Variants in TOM1 observed in about 807,000 individuals in gnomAD.
TOM1 encodes the protein target of myb1 membrane trafficking protein.
TOM1 carries 38 observed loss-of-function variants against 61.3 expected under a neutral mutation model. That is an observed-to-expected ratio of 0.62 (90% CI 0.48 to 0.81). TOM1 has a LOEUF of 0.81. Ranked by LOEUF, TOM1 falls within the 40% of genes least tolerant of loss-of-function variation. TOM1 has a pLI of 0.00. For missense variants in TOM1, 591 were observed against 659.6 expected, an observed-to-expected ratio of 0.90 and a Z score of 1.14; for synonymous variants, 270 against 268.8, an observed-to-expected ratio of 1.00 and a Z score of -0.04.
chr22:35,323,386 A>C lies in TOM1; in HGVS notation c.367-110A>C. On this transcript the variant is annotated intron_variant, in intron 4 of 14. Transcript: ENST00000449058. This position sits in a 1 kb window ranked among gnomAD's most constrained non-coding sequence, Gnocchi z 4.2. ...TGGAGTGGGCAGGGCAGATGTAGTTAAAAAAAAAAAAAAAGCAGGGAAAGA... is the reference window on the plus strand; with the variant it reads ...TGGAGTGGGCAGGGCAGATGTAGTTCAAAAAAAAAAAAAAGCAGGGAAAGA... 5.7e-5 allele frequency: 9 copies of C among 158,412 alleles called. No homozygotes were observed. The highest frequency in any genetic ancestry group is 1.0e-4 in the Non-Finnish European group (9 of 85,784). The allele number at this position is 158,412 out of a possible 1,614,324, so 9.8% of individuals were successfully genotyped here.
At chr22:35,305,448 T>G in intron 1 of TOM1, among the ~76,000 whole-genome samples, 1 of 151,650 alleles carries the variant, frequency 6.6e-6, no homozygotes. Context: ...GATCACGAGG[T>G]CAAGAAATTG....
chr22:35,321,948 G>C lies in TOM1; in HGVS notation c.138-11G>C. ...TATTCCTAAGCCCACCCTTTTTCTTGTCCTCCTTAGTCCCAAAGATGCCCT... is the reference window on the plus strand; with the variant it reads ...TATTCCTAAGCCCACCCTTTTTCTTCTCCTCCTTAGTCCCAAAGATGCCCT... On this transcript the variant is annotated splice_polypyrimidine_tract_variant and intron_variant, in intron 2 of 14. Transcript: ENST00000449058. 1 of 1,613,470 alleles carries C rather than the reference G, an allele frequency of 6.2e-7. No homozygotes were observed. The highest frequency in any genetic ancestry group is 8.5e-7 in the Non-Finnish European group (1 of 1,179,508).
intron 12 of TOM1, chr22:35,344,756 G>A (rs1930360280): frequency 6.6e-6 from 1 of 152,146 alleles, no homozygotes; most frequent in Non-Finnish European, 1.5e-5. Context: ...TGCTATTAGT[G>A]CCATTACTGA....
chr22:35,338,681 A>G, intron 11 of TOM1, 32 bp from the exon 12 acceptor site: 1 of 1,515,406 alleles, frequency 6.6e-7, no homozygotes, highest in Non-Finnish European at 8.9e-7. Context: ...CGGTAAGGGC[A>G]GCATCCAATG....
At position 35,327,328 on chromosome 22, in the gene TOM1, G is replaced by A; in HGVS notation, c.706G>A (p.Glu236Lys). Residue 236 changes from glutamate (E) to lysine (K), a missense_variant, in exon 7 of 15, where the codon GAG becomes AAG. By Grantham distance (56) the Glu-to-Lys change is moderately conservative. Coordinates refer to ENST00000449058, the MANE Select transcript of TOM1 (RefSeq NM_005488.3). ...MVSGNVRVMS[E>K]MLTELVPTQA... The stretch of plus-strand genomic sequence containing the variant: ...GAGTGGGAACGTGAGGGTGATGTCG[G>A]AGATGCTGACGGAGCTGGTGCCCAC... The A allele has an allele frequency of 6.2e-7, 1 of 1,614,104 alleles. No individual in the cohort carries two copies. Among genetic ancestry groups the A allele is most frequent in the Non-Finnish European group, 8.5e-7 (1 of 1,180,014 alleles).
intron 12 of TOM1, among the ~76,000 whole-genome samples, chr22:35,340,336 G>C (rs1486734286): frequency 2.6e-5 from 4 of 152,214 alleles, no homozygotes; most frequent in Non-Finnish European, 5.9e-5. Context: ...GGGACCAGAG[G>C]ACCTCAGCGC....
upstream of TOM1, chr22:35,299,893 T>A (rs1925556834): frequency 1.3e-6 from 2 of 1,568,976 alleles, no homozygotes; most frequent in Non-Finnish European, 1.7e-6. Context: ...TGCTGTCAGC[T>A]GATTCCCGGG....
At chr22:35,339,675 C>A (rs903752651) in intron 12 of TOM1, among the ~76,000 whole-genome samples, 1 of 151,710 alleles carries the variant, frequency 6.6e-6, no homozygotes. Context: ...GAGGCCGAGG[C>A]GGGCGGATCA....
intron 12 of TOM1, chr22:35,344,795 G>A (rs1930363908): frequency 6.6e-6 from 1 of 152,234 alleles, no homozygotes; most frequent in African/African-American, 2.4e-5. Flanking sequence ...TGGCCTATTG[G>A]TTTCTTGAGC....
chr22:35,323,204 G>A lies in TOM1; in HGVS notation c.366+27G>A, dbSNP rs758526638. On this transcript the variant is annotated intron_variant, in intron 4 of 14. Coordinates refer to ENST00000449058, the MANE Select transcript of TOM1 (RefSeq NM_005488.3). The surrounding 1 kb of genome is among the most constrained non-coding windows in gnomAD (Gnocchi z 4.2). ...TGAGTGCCAGGACAGGGCAGGGCAC[G>A]GCCAGGAAGAGCTGTCAGTGCAGGA... 3.7e-5 allele frequency: 59 copies of A among 1,610,420 alleles called. No homozygotes were observed. The highest frequency in any genetic ancestry group is 4.2e-5 in the Non-Finnish European group (49 of 1,179,696).
At chr22:35,307,527 G>A (rs886083231) in intron 1 of TOM1, among the ~76,000 whole-genome samples, 5 of 152,178 alleles carry the variant, frequency 3.3e-5, no homozygotes, top group Admixed American at 6.5e-5. Context: ...TGCCAGCTCC[G>A]CCCCTTCCCG....
intron 13 of TOM1, 109 bp from the exon 14 acceptor site, chr22:35,346,820 TG>T: frequency 9.6e-7 from 1 of 1,044,036 alleles, no homozygotes; most frequent in Non-Finnish European, 1.4e-6. Context: ...GAGCCTGAGC[TG>T]GGACCCAGTG....
At chr22:35,327,038 G>A (rs1928385680) in intron 6 of TOM1, among the ~76,000 whole-genome samples, 2 of 152,192 alleles carry the variant, frequency 1.3e-5, no homozygotes, top group South Asian at 4.1e-4. Context: ...ATTCCGGTGT[G>A]GAGATGGTAA....
intron 1 of TOM1, among the ~76,000 whole-genome samples, chr22:35,306,379 T>C (rs57705338): frequency 6.6e-6 from 1 of 152,170 alleles, no homozygotes; most frequent in African/African-American, 2.4e-5. Context: ...CCCTAATATC[T>C]TGAAGCTTCT....
intron 12 of TOM1, among the ~76,000 whole-genome samples, chr22:35,343,300 C>CACCTA (rs1569040952): frequency 4.1e-5 from 6 of 146,056 alleles, no homozygotes; most frequent in African/African-American, 1.5e-4. Context: ...GCCCTACACA[C>CACCTA]CACACCTACA....
intron 1 of TOM1, among the ~76,000 whole-genome samples, chr22:35,305,000 C>T (rs1286744573): frequency 2.0e-5 from 3 of 152,094 alleles, no homozygotes; most frequent in African/African-American, 7.2e-5. Context: ...AAGACTGAGC[C>T]CTGGAGGGGA....
chr22:35,328,343 G>A (rs1449179839), intron 7 of TOM1, among the ~76,000 whole-genome samples: 1 of 152,240 alleles, frequency 6.6e-6, no homozygotes, highest in Non-Finnish European at 1.5e-5. Flanking sequence ...TCAGAAGGCT[G>A]AGCAAGGTGG....
intron 1 of TOM1, among the ~76,000 whole-genome samples, chr22:35,301,687 G>A (rs902660286): frequency 6.6e-6 from 1 of 152,162 alleles, no homozygotes; most frequent in Admixed American, 6.5e-5. Flanking sequence ...GTGGCTGTCG[G>A]TGGCTCTTCC....
At chr22:35,325,467 A>C (rs1157853564) in intron 6 of TOM1, among the ~76,000 whole-genome samples, 1 of 152,220 alleles carries the variant, frequency 6.6e-6, no homozygotes, top group Admixed American at 6.5e-5. Context: ...CTCTAATCCT[A>C]ATGTAACCTC....
Sources: gnomAD v4.1 joint callset for allele counts (sites outside exome capture counted in the v4.1 genomes callset) on GRCh38, gnomAD v4.1.1 for gene constraint, Gnocchi (gnomAD v3.1) non-coding constraint, MANE v1.5 for transcripts, NCBI Gene and HGNC (gene_info 2026-07-23, HGNC 2026-07-21) for gene names.